EYA4: variants seen among roughly 807,000 people sequenced by gnomAD.
The protein encoded by EYA4 is EYA transcriptional coactivator and phosphatase 4, also known as protein phosphatase EYA4.
Under a neutral mutation model 87.9 loss-of-function variants are expected in EYA4, and 31 were observed. The ratio of observed to expected loss-of-function variants is 0.35; its 90% CI spans 0.27 to 0.48. The LOEUF (loss-of-function observed/expected upper bound fraction) is 0.48, where lower values mean the gene tolerates loss of function less well. EYA4 is among the 20% of genes least tolerant of loss of function. EYA4 has a pLI of 0.99. For synonymous variants in EYA4, 263 were observed against 270.6 expected (o/e 0.97, Z 0.28); for missense variants, 678 against 761.4 (o/e 0.89, Z 1.29).
intron 13 of EYA4, among the ~76,000 whole-genome samples, chr6:133,504,561 C>T (rs918961619): frequency 1.2e-4 from 18 of 152,154 alleles, no homozygotes; most frequent in African/African-American, 4.3e-4. Flanking sequence ...CCCCAGTGAC[C>T]CCTTAGCACT....
intron 1 of EYA4, among the ~76,000 whole-genome samples, chr6:133,260,434 C>T (rs1434017244): frequency 2.0e-5 from 3 of 152,092 alleles, no homozygotes; most frequent in Non-Finnish European, 2.9e-5. Flanking sequence ...AAAGGGGTTT[C>T]GCCATGTTAG....
intron 3 of EYA4, among the ~76,000 whole-genome samples, chr6:133,404,277 C>T (rs1274738401): frequency 4.6e-5 from 7 of 152,182 alleles, no homozygotes; most frequent in Admixed American, 3.9e-4. Context: ...GTGGATGTTA[C>T]TCAGTGATGA....
At chr6:133,330,840 T>C (rs1781883561) in intron 2 of EYA4, among the ~76,000 whole-genome samples, 1 of 151,884 alleles carries the variant, frequency 6.6e-6, no homozygotes, top group African/African-American at 2.4e-5. Context: ...GTGCAAAGTG[T>C]GGCGAGAACA....
chr6:133,456,999 A>G (rs1019303014), intron 6 of EYA4, among the ~76,000 whole-genome samples: 1 of 152,282 alleles, frequency 6.6e-6, no homozygotes, highest in Non-Finnish European at 1.5e-5. Flanking sequence ...TTTGAATTAC[A>G]TAAAAACTGC....
intron 2 of EYA4, among the ~76,000 whole-genome samples, chr6:133,357,652 C>G (rs1174716392): frequency 6.6e-6 from 1 of 152,096 alleles, no homozygotes; most frequent in Non-Finnish European, 1.5e-5. Context: ...GCAGTTTTCA[C>G]AGACACAGGA....
chr6:133,507,502 T>TCTCCTAATGTTATCCCTCTCCTAGCC (rs1798750216), intron 14 of EYA4, among the ~76,000 whole-genome samples: 1 of 152,154 alleles, frequency 6.6e-6, no homozygotes, highest in Non-Finnish European at 1.5e-5. Context: ...ATTAGGTATT[T>TCTCCTAATGTTATCCCTCTCCTAGCC]CTCCTAATGT....
intron 2 of EYA4, among the ~76,000 whole-genome samples, chr6:133,282,675 A>G (rs2128283879): frequency 6.6e-6 from 1 of 152,298 alleles, no homozygotes; most frequent in Non-Finnish European, 1.5e-5. Context: ...TCTGGAGACT[A>G]AATATTACGT....
At chr6:133,318,319 A>G (rs996697609) in intron 2 of EYA4, among the ~76,000 whole-genome samples, 4 of 151,036 alleles carry the variant, frequency 2.6e-5, no homozygotes, top group African/African-American at 9.8e-5. Flanking sequence ...CAAGTGTAGA[A>G]TCGGAATTTT....
In EYA4 at chr6:133,460,512, T is replaced by C. The variant is rs769946751; in HGVS notation, c.371-602T>C. ...GTATATTTGTAAATGTAATTGCTAC[T>C]GCATTTTGTGATTATGTTTTAAAGA... On this transcript the variant is annotated intron_variant, in intron 6 of 19. Coordinates refer to ENST00000355286, the MANE Select transcript of EYA4 (RefSeq NM_004100.5). Among the ~76,000 whole-genome samples the C allele has an allele frequency of 3.3e-5, 5 of 152,310 alleles. 1 individual carries two copies. The Middle Eastern group carries it at 0.01, about 311-fold the overall frequency.
intron 17 of EYA4, among the ~76,000 whole-genome samples, chr6:133,520,846 A>G (rs999889842): frequency 2.6e-5 from 4 of 151,354 alleles, no homozygotes; most frequent in Admixed American, 6.6e-5. Context: ...CAAACCTGAG[A>G]AAAACAAGCA....
At chr6:133,250,203 A>T (rs1484406144) in intron 1 of EYA4, among the ~76,000 whole-genome samples, 1 of 152,228 alleles carries the variant, frequency 6.6e-6, no homozygotes, top group African/African-American at 2.4e-5. Context: ...GTATACGTGA[A>T]TGTAGAAATG....
chr6:133,417,989 C>T (rs1789886103), intron 3 of EYA4, among the ~76,000 whole-genome samples: 1 of 152,174 alleles, frequency 6.6e-6, no homozygotes, highest in Non-Finnish European at 1.5e-5. Context: ...TAGTACGGCT[C>T]CTCAGAAAAC....
chr6:133,293,859 C>T (rs368522398), intron 2 of EYA4, among the ~76,000 whole-genome samples: 3 of 151,116 alleles, frequency 2.0e-5, no homozygotes, highest in East Asian at 3.9e-4. Context: ...ATCACCTGAG[C>T]CCTGGAAGTG....
chr6:133,473,844 C>T (rs1795490751), intron 11 of EYA4, among the ~76,000 whole-genome samples: 1 of 151,882 alleles, frequency 6.6e-6, no homozygotes, highest in Non-Finnish European at 1.5e-5. Flanking sequence ...GGAACTCGTT[C>T]TTGGGGTCCT....
intron 2 of EYA4, among the ~76,000 whole-genome samples, chr6:133,292,243 A>G (rs1314180716): frequency 6.6e-6 from 1 of 152,230 alleles, no homozygotes; most frequent in East Asian, 1.9e-4. Context: ...GGAATCACTC[A>G]TGATAATTTC....
chr6:133,287,369 A>G (rs897607133), intron 2 of EYA4, among the ~76,000 whole-genome samples: 5 of 152,222 alleles, frequency 3.3e-5, no homozygotes, highest in African/African-American at 1.2e-4. Context: ...TTGTATGGAC[A>G]GAAGAGAACC....
At chr6:133,407,125 G>A (rs1414442434) in intron 3 of EYA4, among the ~76,000 whole-genome samples, 5 of 152,006 alleles carry the variant, frequency 3.3e-5, no homozygotes, top group Non-Finnish European at 7.4e-5. Context: ...TTTAATTTGG[G>A]AAAGGTCTAA....
At chr6:133,498,171 A>AGT in intron 13 of EYA4, among the ~76,000 whole-genome samples, 1 of 152,296 alleles carries the variant, frequency 6.6e-6, no homozygotes, top group South Asian at 2.1e-4. Flanking sequence ...AAAGTAATAG[A>AGT]ATTAATCAAG....
intron 2 of EYA4, among the ~76,000 whole-genome samples, chr6:133,321,076 CA>C (rs1472516884): frequency 6.6e-6 from 1 of 152,146 alleles, no homozygotes; most frequent in Non-Finnish European, 1.5e-5. Flanking sequence ...ACACAATAAA[CA>C]AAAATATTTT....
Sources: allele counts gnomAD v4.1 joint callset (sites outside exome capture counted in the v4.1 genomes callset), GRCh38; gene constraint gnomAD v4.1.1; transcripts MANE v1.5; gene names NCBI Gene and HGNC (gene_info 2026-07-23, HGNC 2026-07-21).